Variants in MAD1L1 observed in about 807,000 individuals in gnomAD.
The protein encoded by MAD1L1 is mitotic spindle assembly checkpoint protein MAD1.
A neutral mutation model predicts 96.9 loss-of-function variants in MAD1L1; 95 were observed. The ratio of observed to expected loss-of-function variants is 0.98; its 90% CI spans 0.83 to 1.16. The LOEUF (loss-of-function observed/expected upper bound fraction) is 1.16. Ranked by LOEUF, MAD1L1 falls within the 50% of genes most tolerant of loss-of-function variation. The pLI, the probability that MAD1L1 is intolerant of heterozygous loss-of-function variation, is 0.00. For synonymous variants in MAD1L1, 473 were observed against 396.6 expected, an observed-to-expected ratio of 1.19 and a Z score of -2.29; for missense variants, 1,007 against 954.4, an observed-to-expected ratio of 1.06 and a Z score of -0.73.
chr7:1,876,023 T>C (rs1356015259), intron 18 of MAD1L1, among the ~76,000 whole-genome samples: 2 of 152,168 alleles, frequency 1.3e-5, no homozygotes, highest in African/African-American at 4.8e-5. Context: ...TGATCTCAGA[T>C]TTCAGCCTCC....
chr7:2,173,891 T>G (rs891350870), intron 10 of MAD1L1, among the ~76,000 whole-genome samples: 2 of 152,182 alleles, frequency 1.3e-5, no homozygotes, highest in Non-Finnish European at 2.9e-5. Context: ...CTCCACCTCG[T>G]GGGCTCAAGC....
chr7:2,127,708 C>G (rs1203697482), intron 11 of MAD1L1, among the ~76,000 whole-genome samples: 1 of 152,200 alleles, frequency 6.6e-6, no homozygotes, highest in Non-Finnish European at 1.5e-5. Context: ...CAGGAACCCA[C>G]CTGCAATTAC....
chr7:1,871,145 C>G (rs538736960), intron 18 of MAD1L1, among the ~76,000 whole-genome samples: 4 of 145,582 alleles, frequency 2.7e-5, no homozygotes, highest in Non-Finnish European at 6.0e-5. Flanking sequence ...ACGCCTGCCA[C>G]GCTGAACCGA....
At chr7:1,881,358 T>G (rs1214350712) in intron 18 of MAD1L1, among the ~76,000 whole-genome samples, 1 of 152,212 alleles carries the variant, frequency 6.6e-6, no homozygotes, top group Non-Finnish European at 1.5e-5. Flanking sequence ...ACAAAAAAAT[T>G]TGCAACCTCC....
intron 10 of MAD1L1, among the ~76,000 whole-genome samples, chr7:2,172,243 T>C (rs1274678715): frequency 1.3e-5 from 2 of 152,096 alleles, no homozygotes; most frequent in Non-Finnish European, 2.9e-5. Flanking sequence ...CTTCACAGCC[T>C]TGCGAGACAC....
chr7:2,127,352 CT>C (rs1788281091), intron 11 of MAD1L1, among the ~76,000 whole-genome samples: 1 of 152,210 alleles, frequency 6.6e-6, no homozygotes, highest in South Asian at 2.1e-4. Flanking sequence ...AGTGGGGCCC[CT>C]GATGGAGCAC....
chr7:2,172,784 T>C (rs1790768508), intron 10 of MAD1L1, among the ~76,000 whole-genome samples: 1 of 152,230 alleles, frequency 6.6e-6, no homozygotes, highest in African/African-American at 2.4e-5. Flanking sequence ...ATCCCAGCCC[T>C]GCTGGCTGCC....
At chr7:1,920,609 A>G (rs1008497250) in intron 17 of MAD1L1, among the ~76,000 whole-genome samples, 4 of 152,176 alleles carry the variant, frequency 2.6e-5, no homozygotes, top group African/African-American at 9.7e-5. Context: ...GCACAGCCAG[A>G]TGGAAGGAGT....
chr7:2,153,576 G>A (rs1396238587), intron 10 of MAD1L1, among the ~76,000 whole-genome samples: 1 of 152,168 alleles, frequency 6.6e-6, no homozygotes, highest in Non-Finnish European at 1.5e-5. Context: ...GCAGAGGAAA[G>A]GGAACTCTCA....
intron 12 of MAD1L1, among the ~76,000 whole-genome samples, chr7:2,057,468 T>G (rs1784429388): frequency 6.6e-6 from 1 of 152,072 alleles, no homozygotes; most frequent in African/African-American, 2.4e-5. Context: ...GAGCCAAGAT[T>G]GCACCACTGC....
intron 18 of MAD1L1, 48 bp downstream of exon 18, chr7:1,898,152 G>A: frequency 6.5e-6 from 10 of 1,543,936 alleles, no homozygotes; most frequent in Non-Finnish European, 7.9e-6. Flanking sequence ...CCCCACAGGA[G>A]GAGACAGAGA....
chr7:1,870,644 C>T (rs1583609326), intron 18 of MAD1L1, among the ~76,000 whole-genome samples: 1 of 141,028 alleles, frequency 7.1e-6, no homozygotes, highest in African/African-American at 2.7e-5. Flanking sequence ...ACGCTGAACC[C>T]AACATATGCC....
At chr7:1,820,731 A>G (rs537489277) in intron 18 of MAD1L1, among the ~76,000 whole-genome samples, 45 of 152,102 alleles carry the variant, frequency 3.0e-4, no homozygotes, top group African/African-American at 1.1e-3. Flanking sequence ...CAACAGAGTG[A>G]AACCCTGTCT....
intron 2 of MAD1L1, 104 bp from the exon 3 acceptor site, chr7:2,230,247 TG>T: frequency 1.2e-6 from 1 of 826,810 alleles, no homozygotes; most frequent in Non-Finnish European, 1.9e-6. Context: ...TAACGCACAT[TG>T]GAGCTCATAA....
intron 10 of MAD1L1, among the ~76,000 whole-genome samples, chr7:2,165,673 G>A (rs1047210990): frequency 9.4e-6 from 1 of 105,930 alleles, no homozygotes; most frequent in African/African-American, 3.8e-5. Flanking sequence ...ACGCGTCTCA[G>A]CTCAACAGAA....
intron 18 of MAD1L1, among the ~76,000 whole-genome samples, chr7:1,891,138 G>A (rs1018233884): frequency 2.0e-5 from 3 of 152,180 alleles, no homozygotes; most frequent in African/African-American, 7.2e-5. Flanking sequence ...GAGGGGTGCG[G>A]GGCTATTTCT....
intron 10 of MAD1L1, among the ~76,000 whole-genome samples, chr7:2,206,899 T>G (rs1792623316): frequency 6.6e-6 from 1 of 152,076 alleles, no homozygotes; most frequent in South Asian, 2.1e-4. Flanking sequence ...CTGACCAACA[T>G]GGCGAAACCC....
At chr7:2,004,546 C>T (rs1584050819) in intron 13 of MAD1L1, among the ~76,000 whole-genome samples, 1 of 152,218 alleles carries the variant, frequency 6.6e-6, no homozygotes, top group Non-Finnish European at 1.5e-5. Context: ...GCGCGAGGCC[C>T]GGACCAACCA....
At chr7:1,990,254 G>A (rs557297529) in intron 14 of MAD1L1, among the ~76,000 whole-genome samples, 1 of 152,316 alleles carries the variant, frequency 6.6e-6, no homozygotes, top group South Asian at 2.1e-4. Context: ...GCTCCCTGGG[G>A]CTGACTGGGG....
Sources: allele counts gnomAD v4.1 joint callset (sites outside exome capture counted in the v4.1 genomes callset), GRCh38; gene constraint gnomAD v4.1.1; transcripts MANE v1.5; gene names NCBI Gene and HGNC (gene_info 2026-07-23, HGNC 2026-07-21).